The following CCDC178 variants were observed in gnomAD, a reference collection of about 807,000 sequenced individuals.
CCDC178 encodes the protein coiled-coil domain containing 178.
In CCDC178, 126 loss-of-function variants were observed where a neutral mutation model predicts 117.4. That is an observed-to-expected ratio of 1.07 (90% CI 0.93 to 1.24). The LOEUF (loss-of-function observed/expected upper bound fraction) is 1.24. Among genes scored for constraint, CCDC178 ranks in the 50% most tolerant of loss-of-function variants. CCDC178 has a pLI of 0.00. For synonymous variants in CCDC178, 283 were observed against 313.4 expected, an observed-to-expected ratio of 0.90 and a Z score of 1.02; for missense variants, 1,030 against 986.9, an observed-to-expected ratio of 1.04 and a Z score of -0.59.
intron 20 of CCDC178, among the ~76,000 whole-genome samples, chr18:33,124,176 T>C (rs1340761366): frequency 2.0e-5 from 3 of 152,218 alleles, no homozygotes; most frequent in African/African-American, 7.2e-5. Context: ...GCAGTTTGCA[T>C]TGTTTACTTT....
intron 21 of CCDC178, among the ~76,000 whole-genome samples, chr18:33,005,447 G>T (rs958482404): frequency 3.3e-5 from 5 of 151,884 alleles, no homozygotes; most frequent in African/African-American, 1.2e-4. Flanking sequence ...TCAGAATGAT[G>T]GTTACCAAAG....
rs560121475 is a variant in CCDC178 at position 33,316,370 on chromosome 18, AGCT to A, written c.1022+7118_1022+7120del. ...TAAGGGGCTTAGCACCTGGGCGGGC[AGCT>A]GCTGCGCTCGATTTCTCCCCGGGCC... On this transcript the variant is annotated intron_variant, in intron 11 of 22. Transcript: ENST00000383096. Among the ~76,000 whole-genome samples the A allele has an allele frequency of 1.1e-3, 167 of 152,290 alleles. 4 individuals carry two copies. The South Asian group carries it at 0.019, about 17-fold the overall frequency.
chr18:33,137,722 C>T (rs981469683), intron 20 of CCDC178, among the ~76,000 whole-genome samples: 2 of 152,164 alleles, frequency 1.3e-5, no homozygotes, highest in Non-Finnish European at 2.9e-5. Flanking sequence ...GATTTAGTTT[C>T]TGCATCCCTG....
At chr18:33,298,810 A>G (rs1171648308) in intron 11 of CCDC178, among the ~76,000 whole-genome samples, 2 of 152,214 alleles carry the variant, frequency 1.3e-5, no homozygotes, top group East Asian at 3.8e-4. Flanking sequence ...ATCAACATAC[A>G]AAAATCAGCA....
Position 33,315,985 on chromosome 18 carries a change from G to A in CCDC178, c.1022+7506C>T, listed in dbSNP as rs553342484. The stretch of plus-strand genomic sequence containing the variant: ...ATATACAAGCATTGTACCTAGAGTG[G>A]ACACGTTCCTCCTCTTACTTTCAGA... On this transcript the variant is annotated intron_variant, in intron 11 of 22. Transcript: ENST00000383096. Among the ~76,000 whole-genome samples, 5 of 152,326 alleles carry A rather than the reference G, an allele frequency of 3.3e-5. No individual in the cohort carries two copies. In the South Asian group the frequency reaches 1.0e-3, roughly 32 times the overall value.
chr18:33,245,885 T>C (rs2059544012), intron 14 of CCDC178, among the ~76,000 whole-genome samples: 1 of 151,912 alleles, frequency 6.6e-6, no homozygotes, highest in Non-Finnish European at 1.5e-5. Flanking sequence ...GTAGGTGGGA[T>C]GTCCTGTGCA....
At chr18:33,082,328 C>T (rs1440096798) in intron 21 of CCDC178, among the ~76,000 whole-genome samples, 3 of 151,960 alleles carry the variant, frequency 2.0e-5, no homozygotes, top group Non-Finnish European at 4.4e-5. Context: ...AAAAATTAGC[C>T]GGGCATGGTG....
chr18:33,272,840 T>C (rs1436731326), intron 12 of CCDC178, among the ~76,000 whole-genome samples: 2 of 151,416 alleles, frequency 1.3e-5, no homozygotes, highest in Non-Finnish European at 3.0e-5. Flanking sequence ...TTGAAATATT[T>C]CTATACCCTT....
chr18:33,134,097 C>T (rs2058098611), intron 20 of CCDC178, among the ~76,000 whole-genome samples: 1 of 151,850 alleles, frequency 6.6e-6, no homozygotes, highest in Non-Finnish European at 1.5e-5. Flanking sequence ...GCTAGAAACT[C>T]ATAGATCAAA....
chr18:33,428,881 G>A (rs72942671), intron 2 of CCDC178, among the ~76,000 whole-genome samples: 16,823 of 150,852 alleles, frequency 0.11, 1,167 homozygotes, highest in East Asian at 0.19. Flanking sequence ...GTGCAGTAAT[G>A]CTTTTAAATG....
intron 3 of CCDC178, among the ~76,000 whole-genome samples, chr18:33,410,053 G>A (rs1181778606): frequency 1.3e-5 from 2 of 152,082 alleles, no homozygotes; most frequent in African/African-American, 2.4e-5. Flanking sequence ...AATGATGGTG[G>A]GTGGCTTAAG....
At chr18:33,261,931 A>T (rs1343748950) in intron 14 of CCDC178, among the ~76,000 whole-genome samples, 2 of 152,086 alleles carry the variant, frequency 1.3e-5, no homozygotes, top group African/African-American at 4.8e-5. Flanking sequence ...CTTTCTATGT[A>T]TGTCTTCTTA....
intron 22 of CCDC178, among the ~76,000 whole-genome samples, chr18:32,940,337 C>G (rs188970614): frequency 3.4e-4 from 51 of 151,996 alleles, no homozygotes; most frequent in Middle Eastern, 3.4e-3. Flanking sequence ...TAACTTTTAT[C>G]AACTTTTCTT....
At chr18:32,985,306 C>G (rs983975050) in intron 21 of CCDC178, among the ~76,000 whole-genome samples, 1 of 151,908 alleles carries the variant, frequency 6.6e-6, no homozygotes, top group Non-Finnish European at 1.5e-5. Context: ...AAATAAAATA[C>G]GCCACACAAT....
In CCDC178 at chr18:33,092,803, A is replaced by G; in HGVS notation, c.2346T>C (p.Asp782=). 1.3e-6 allele frequency: 2 copies of G among 1,550,954 alleles called. No individual in the cohort carries two copies. The highest frequency in any genetic ancestry group is 1.8e-6 in the Non-Finnish European group (2 of 1,131,650). ...KEKDNYFNIY[D]KQLSLDTSIR... ...TTGAAGTATCAAGTGATAGCTGTTT[A>G]TCATATATATTGAAATAATTGTCCT... The change falls in exon 21 of 23, where the codon GAT becomes GAC. Residue 782 remains aspartate (D), a synonymous_variant. Transcript: ENST00000383096.
At chr18:33,248,930 T>C (rs1411653198) in intron 14 of CCDC178, among the ~76,000 whole-genome samples, 4 of 152,112 alleles carry the variant, frequency 2.6e-5, no homozygotes, top group African/African-American at 7.2e-5. Flanking sequence ...CAGCACCTGT[T>C]GTTTCTTGAC....
chr18:32,955,200 C>T (rs1207748847), intron 22 of CCDC178, among the ~76,000 whole-genome samples: 2 of 152,192 alleles, frequency 1.3e-5, no homozygotes, highest in Admixed American at 1.3e-4. Context: ...AATTTCCACT[C>T]CTCTGCTTCT....
intron 14 of CCDC178, among the ~76,000 whole-genome samples, chr18:33,254,334 G>A (rs2059653798): frequency 6.7e-6 from 1 of 149,602 alleles, no homozygotes; most frequent in Non-Finnish European, 1.5e-5. Flanking sequence ...AGCAGCTCAG[G>A]CCAGACAGGA....
intron 21 of CCDC178, among the ~76,000 whole-genome samples, chr18:33,084,805 CGT>C (rs1173077146): frequency 6.8e-6 from 1 of 146,120 alleles, no homozygotes; most frequent in African/African-American, 2.6e-5. Flanking sequence ...TGCGAGGCCC[CGT>C]CTCAAAAAAA....
Sources: allele counts gnomAD v4.1 joint callset (sites outside exome capture counted in the v4.1 genomes callset), GRCh38; gene constraint gnomAD v4.1.1; transcripts MANE v1.5; gene names NCBI Gene and HGNC (gene_info 2026-07-23, HGNC 2026-07-21).